FARP1: variants seen among roughly 807,000 people sequenced by gnomAD.
FARP1 encodes FERM, ARH/RhoGEF and pleckstrin domain protein 1, also known as FERM, ARHGEF and pleckstrin domain-containing protein 1.
Under a neutral mutation model 128.8 loss-of-function variants are expected in FARP1, and 52 were observed. The observed-to-expected ratio is 0.40, with a 90% CI of 0.32 to 0.51. FARP1 has a LOEUF of 0.51. Among genes scored for constraint, FARP1 ranks in the 20% least tolerant of loss-of-function variants. FARP1 has a pLI of 0.45. For missense variants in FARP1, 1,333 were observed against 1,367.9 expected (o/e 0.97, Z 0.40); for synonymous variants, 580 against 551.8 (o/e 1.05, Z -0.72).
chr13:98,235,632 C>G (rs1240047807), intron 2 of FARP1, among the ~76,000 whole-genome samples: 1 of 152,116 alleles, frequency 6.6e-6, no homozygotes, highest in East Asian at 1.9e-4. Flanking sequence ...ACACGTTTCA[C>G]TAGTGTTAAT....
chr13:98,263,940 T>G (rs1277356953), intron 2 of FARP1, among the ~76,000 whole-genome samples: 1 of 152,258 alleles, frequency 6.6e-6, no homozygotes, highest in Non-Finnish European at 1.5e-5. Flanking sequence ...GCATCCTTGA[T>G]TCTAACTTTT....
At position 98,378,985 on chromosome 13, in the gene FARP1, A is replaced by AAT. The variant is rs548545333; in HGVS notation, c.496+1077_496+1078dup. 2.5e-4 allele frequency among the ~76,000 whole-genome samples: 22 copies of AAT among 87,902 alleles called. 4 individuals are homozygous for AAT. The highest frequency in any genetic ancestry group is 8.2e-4 in the East Asian group (3 of 3,640). The allele number at this position is 87,902 out of a possible 152,430, so 57.7% of individuals were successfully genotyped here. On this transcript the variant is annotated intron_variant, in intron 6 of 26. Coordinates refer to ENST00000319562, the MANE Select transcript of FARP1 (RefSeq NM_005766.4). ...TATATACAATATATAATCTATATAT[A>AAT]ATATATATATAATATATACAATATA...
At chr13:98,269,010 G>A (rs541159403) in intron 2 of FARP1, among the ~76,000 whole-genome samples, 2 of 152,132 alleles carry the variant, frequency 1.3e-5, no homozygotes, top group African/African-American at 2.4e-5. Flanking sequence ...GGGATTACAG[G>A]CATGAGCCAT....
intron 13 of FARP1, chr13:98,398,635 G>A (rs189627692): frequency 7.9e-5 from 12 of 152,268 alleles, no homozygotes; most frequent in African/African-American, 2.4e-4. Flanking sequence ...TAATAGGTGG[G>A]AAGAACTACT....
intron 1 of FARP1, among the ~76,000 whole-genome samples, chr13:98,171,416 G>A (rs984240630): frequency 2.6e-5 from 4 of 152,054 alleles, no homozygotes; most frequent in African/African-American, 9.7e-5. Context: ...CTATTTTGTT[G>A]GAATTCTCTG....
chr13:98,218,286 A>C (rs1450308470), intron 2 of FARP1, among the ~76,000 whole-genome samples: 2 of 152,170 alleles, frequency 1.3e-5, no homozygotes. Context: ...CTCTCCTGAC[A>C]GTGCTGATAG....
At chr13:98,216,744 A>G (rs1881083503) in intron 2 of FARP1, among the ~76,000 whole-genome samples, 1 of 152,202 alleles carries the variant, frequency 6.6e-6, no homozygotes, top group South Asian at 2.1e-4. Flanking sequence ...AGGCTTTGGC[A>G]GTTAGCTCCA....
chr13:98,238,210 T>C (rs1594307621), intron 2 of FARP1, among the ~76,000 whole-genome samples: 1 of 152,210 alleles, frequency 6.6e-6, no homozygotes, highest in Non-Finnish European at 1.5e-5. Context: ...AGAAAGCATA[T>C]CTGCGAAACA....
chr13:98,257,537 C>G (rs1027345246), intron 2 of FARP1, among the ~76,000 whole-genome samples: 1 of 152,116 alleles, frequency 6.6e-6, no homozygotes, highest in Non-Finnish European at 1.5e-5. Flanking sequence ...CTTTGGGACG[C>G]CAAGGTGGGT....
At chr13:98,350,103 A>G (rs906837912) in intron 3 of FARP1, among the ~76,000 whole-genome samples, 2 of 152,078 alleles carry the variant, frequency 1.3e-5, no homozygotes, top group Non-Finnish European at 2.9e-5. Flanking sequence ...AGCAGAGGTG[A>G]GGTTGTACAG....
At chr13:98,329,875 CAGAG>C (rs2139821074) in intron 2 of FARP1, 1 of 152,106 alleles carries the variant, frequency 6.6e-6, no homozygotes, top group East Asian at 1.9e-4. Flanking sequence ...TGCCTTCCAG[CAGAG>C]AAAGACGGCA....
At chr13:98,350,597 T>A (rs928362150) in intron 3 of FARP1, among the ~76,000 whole-genome samples, 1 of 152,180 alleles carries the variant, frequency 6.6e-6, no homozygotes, top group Non-Finnish European at 1.5e-5. Flanking sequence ...ACAACAGTAT[T>A]ACACAGAGTT....
At chr13:98,336,669 AGT>A (rs1320393247) in intron 2 of FARP1, among the ~76,000 whole-genome samples, 2 of 152,216 alleles carry the variant, frequency 1.3e-5, no homozygotes, top group African/African-American at 4.8e-5. Context: ...TTTAGTATTC[AGT>A]GCGTACTTGC....
chr13:98,159,803 T>C (rs1876748961), intron 1 of FARP1, among the ~76,000 whole-genome samples: 1 of 152,200 alleles, frequency 6.6e-6, no homozygotes, highest in African/African-American at 2.4e-5. Flanking sequence ...TCATTACACA[T>C]GACTATCTTA....
chr13:98,181,291 G>A (rs1251387839), intron 1 of FARP1, among the ~76,000 whole-genome samples: 2 of 152,118 alleles, frequency 1.3e-5, no homozygotes, highest in Non-Finnish European at 2.9e-5. Context: ...TTACATCCTG[G>A]CGCTGTGACC....
chr13:98,348,691 CAG>C (rs904331473), intron 3 of FARP1, among the ~76,000 whole-genome samples: 1 of 152,176 alleles, frequency 6.6e-6, no homozygotes, highest in African/African-American at 2.4e-5. Context: ...TTTATGGGCA[CAG>C]AGATTTGGCT....
At chr13:98,390,226 C>A in intron 10 of FARP1, 106 bp downstream of exon 10, 1 of 1,238,462 alleles carries the variant, frequency 8.1e-7, no homozygotes, top group Non-Finnish European at 1.1e-6. Flanking sequence ...CGCTCATTGG[C>A]CTCCAGGAGC....
At chr13:98,297,433 G>T (rs990836279) in intron 2 of FARP1, among the ~76,000 whole-genome samples, 2 of 152,194 alleles carry the variant, frequency 1.3e-5, no homozygotes, top group South Asian at 2.1e-4. Flanking sequence ...AGGCATTTGG[G>T]ATTCAAGATT....
At position 98,311,852 on chromosome 13, in the gene FARP1, G is replaced by T. The variant is rs865892466; in HGVS notation, c.172-31910G>T. Among the ~76,000 whole-genome samples the T allele has an allele frequency of 1.1e-3, 156 of 148,456 alleles. 1 individual carries two copies. The highest frequency in any genetic ancestry group is 3.3e-3 in the African/African-American group (134 of 40,512). Reference sequence around the variant, plus strand: ...GTTTTGTTTTTTTTTGTTGTTTTTTGTTTTTTTTTGAGACGGAGTCTCGCT... The same window carrying T: ...GTTTTGTTTTTTTTTGTTGTTTTTTTTTTTTTTTTGAGACGGAGTCTCGCT... On this transcript the variant is annotated intron_variant, in intron 2 of 26. Transcript: ENST00000319562.
Sources: allele counts gnomAD v4.1 joint callset (sites outside exome capture counted in the v4.1 genomes callset), GRCh38; gene constraint gnomAD v4.1.1; transcripts MANE v1.5; gene names NCBI Gene and HGNC (gene_info 2026-07-23, HGNC 2026-07-21).